The following IMPG1 variants were observed in gnomAD, a reference collection of about 807,000 sequenced individuals.
IMPG1 encodes interphotoreceptor matrix proteoglycan of 150 kDa.
In IMPG1, 85 loss-of-function variants were observed where a neutral mutation model predicts 92.0. That is an observed-to-expected ratio of 0.92 (90% CI 0.78 to 1.11). The LOEUF (loss-of-function observed/expected upper bound fraction) is 1.11. Among genes scored for constraint, IMPG1 ranks in the 50% least tolerant of loss-of-function variants. The pLI is 0.00. For missense variants in IMPG1, 1,022 were observed against 956.0 expected, an observed-to-expected ratio of 1.07 and a Z score of -0.91; for synonymous variants, 367 against 334.1, an observed-to-expected ratio of 1.10 and a Z score of -1.08.
intron 12 of IMPG1, among the ~76,000 whole-genome samples, chr6:75,982,031 T>G (rs1782635621): frequency 1.3e-5 from 2 of 152,224 alleles, no homozygotes; most frequent in Admixed American, 6.5e-5. Context: ...CTTCCACTTT[T>G]ATTTTACAGA....
At chr6:76,012,926 A>G (rs1335951350) in intron 7 of IMPG1, among the ~76,000 whole-genome samples, 1 of 152,006 alleles carries the variant, frequency 6.6e-6, no homozygotes, top group African/African-American at 2.4e-5. Flanking sequence ...CAGCATCCCT[A>G]GATACCTTCC....
chr6:75,957,857 C>A (rs989108966), intron 12 of IMPG1, among the ~76,000 whole-genome samples: 6 of 152,112 alleles, frequency 3.9e-5, no homozygotes, highest in Admixed American at 3.9e-4. Flanking sequence ...GAATCTTTAT[C>A]CAATTTGTCA....
intron 6 of IMPG1, among the ~76,000 whole-genome samples, chr6:76,021,176 A>G (rs1174826178): frequency 1.3e-5 from 2 of 152,200 alleles, no homozygotes; most frequent in Admixed American, 6.5e-5. Flanking sequence ...TTTCCTTTCT[A>G]TTGATCCCAG....
At chr6:75,973,702 T>C (rs1782458764) in intron 12 of IMPG1, among the ~76,000 whole-genome samples, 1 of 152,232 alleles carries the variant, frequency 6.6e-6, no homozygotes, top group African/African-American at 2.4e-5. Context: ...TTTACTTCAC[T>C]ACACTACTGA....
At chr6:76,038,532 C>T (rs1248885833) in intron 2 of IMPG1, among the ~76,000 whole-genome samples, 1 of 152,154 alleles carries the variant, frequency 6.6e-6, no homozygotes, top group Non-Finnish European at 1.5e-5. Context: ...AGTCCCCCAT[C>T]CTTACTGGGG....
intron 14 of IMPG1, among the ~76,000 whole-genome samples, chr6:75,938,430 T>C (rs1396733947): frequency 6.6e-6 from 1 of 152,234 alleles, no homozygotes; most frequent in African/African-American, 2.4e-5. Flanking sequence ...AAAGACTTAA[T>C]TGGAATTTGT....
At position 76,018,765 on chromosome 6, in the gene IMPG1, A is replaced by T; in HGVS notation, c.760T>A (p.Ser254Thr). The change falls in exon 7 of 17, where the codon TCC becomes ACC. Residue 254 changes from serine (S) to threonine (T), a missense_variant. By Grantham distance (58) the Ser-to-Thr change is moderately conservative (BLOSUM62 1). Around this residue, in one of 3 missense-constraint regions of IMPG1, gnomAD observed 681 missense variants for 583.6 expected, o/e 1.17. Transcript: ENST00000369950. ...AGCTCCTGGTAATATGGGGACTGGG[A>T]GTCAGCGAGCTCTGCCTTGAACTTC... ...NQKFKAELAD[S>T]QSPYYQELAG... The T allele has an allele frequency of 6.2e-7, 1 of 1,613,432 alleles. No homozygotes were observed. Among genetic ancestry groups the T allele is most frequent in the Non-Finnish European group, 8.5e-7 (1 of 1,179,738 alleles).
intron 9 of IMPG1, among the ~76,000 whole-genome samples, chr6:76,006,770 C>A (rs1050932024): frequency 6.6e-5 from 10 of 151,986 alleles, no homozygotes; most frequent in African/African-American, 2.4e-4. Context: ...TATTTATTAT[C>A]CTATTCATTA....
At chr6:76,035,360 G>T (rs189241580) in intron 2 of IMPG1, among the ~76,000 whole-genome samples, 1 of 152,038 alleles carries the variant, frequency 6.6e-6, no homozygotes, top group Non-Finnish European at 1.5e-5. Context: ...TTAGCTGGGC[G>T]TGTTGGTGCA....
intron 14 of IMPG1, among the ~76,000 whole-genome samples, chr6:75,944,834 G>C (rs1781898590): frequency 6.6e-6 from 1 of 152,180 alleles, no homozygotes; most frequent in East Asian, 1.9e-4. Flanking sequence ...ATTTGAGTTG[G>C]TGCAGGCTCA....
intron 12 of IMPG1, among the ~76,000 whole-genome samples, chr6:75,970,274 G>A (rs1018741399): frequency 3.3e-5 from 5 of 151,904 alleles, no homozygotes; most frequent in Middle Eastern, 3.2e-3. Flanking sequence ...GCAGCCCAAG[G>A]CTACAAAGAT....
intron 5 of IMPG1, chr6:76,024,836 T>C: frequency 2.8e-6 from 1 of 357,544 alleles, no homozygotes. Flanking sequence ...TAGTGAACTA[T>C]AAAATATCCT....
intron 8 of IMPG1, 77 bp downstream of exon 8, chr6:76,011,089 C>T (rs1292966541): frequency 1.2e-4 from 97 of 812,546 alleles, no homozygotes; most frequent in Non-Finnish European, 1.5e-5. Context: ...ACCTTATAAT[C>T]CTTATGGCAT....
Position 76,039,955 on chromosome 6 carries a change from T to G in IMPG1, c.301+1938A>C, listed in dbSNP as rs544204650. Among the ~76,000 whole-genome samples, 350 of 152,350 alleles carry G rather than the reference T, an allele frequency of 2.3e-3. 2 individuals are homozygous for G. Among genetic ancestry groups the G allele is most frequent in the African/African-American group, 8.1e-3 (335 of 41,586 alleles). On this transcript the variant is annotated intron_variant, in intron 2 of 16. Coordinates refer to ENST00000369950, the MANE Select transcript of IMPG1 (RefSeq NM_001563.4). ...GATTTGGGAATATGAGTGCTTTCTC[T>G]CCTAAGTTTGAAAGATGTCAATGGA...
Position 75,922,171 on chromosome 6 carries a change from AAG to A in IMPG1, c.2317-7_2317-6del. The stretch of plus-strand genomic sequence containing the variant: ...AGAATTTCTTTTACTGATTACCTGA[AAG>A]AGAAATAGTTTTAAGAACTTAAGAA... On this transcript the variant is annotated splice_polypyrimidine_tract_variant and splice_region_variant and intron_variant, in intron 16 of 16. Transcript: ENST00000369950. 8.1e-7 allele frequency: 1 copy of A among 1,233,790 alleles called. No homozygotes were observed. The highest frequency in any genetic ancestry group is 1.2e-6 in the Non-Finnish European group (1 of 850,528). 76.4% of individuals were successfully genotyped at this position (1,233,790 alleles called of 1,614,324 possible). A position where few individuals can be genotyped will look rare whatever the true frequency, so the allele number is the denominator to read the frequency against.
chr6:76,024,161 A>G (rs776281944), intron 5 of IMPG1, among the ~76,000 whole-genome samples: 1 of 152,186 alleles, frequency 6.6e-6, no homozygotes, highest in African/African-American at 2.4e-5. Flanking sequence ...ATGATAAATT[A>G]GCTGAACTTA....
chr6:76,072,594 G>A lies in IMPG1; in HGVS notation c.-106C>T. 1.5e-6 allele frequency: 1 copy of A among 647,924 alleles called. No individual in the cohort carries two copies. Among genetic ancestry groups the A allele is most frequent in the Non-Finnish European group, 2.6e-6 (1 of 379,196 alleles). The allele number at this position is 647,924 out of a possible 1,614,324, so 40.1% of individuals were successfully genotyped here. A position where few individuals can be genotyped will look rare whatever the true frequency, so the allele number is the denominator to read the frequency against. ...AAATAATTATATATTGATACCAGATGATTGAGGATAACCTTCTTGGTTTAC... is the reference window on the plus strand; with the variant it reads ...AAATAATTATATATTGATACCAGATAATTGAGGATAACCTTCTTGGTTTAC... On this transcript the variant is annotated 5_prime_UTR_variant, in exon 1 of 17. Coordinates refer to ENST00000369950, the MANE Select transcript of IMPG1 (RefSeq NM_001563.4).
intron 12 of IMPG1, among the ~76,000 whole-genome samples, chr6:75,960,396 GTTAATTCA>G (rs1393768956): frequency 1.3e-5 from 2 of 152,138 alleles, no homozygotes; most frequent in Admixed American, 6.5e-5. Context: ...ACCTAACCAA[GTTAATTCA>G]TTAAAGGAAC....
intron 12 of IMPG1, among the ~76,000 whole-genome samples, chr6:76,002,689 G>A (rs1472391497): frequency 4.6e-5 from 7 of 152,168 alleles, no homozygotes; most frequent in Admixed American, 3.9e-4. Context: ...AAGGGCTGCC[G>A]GTGCTGGCTG....
Sources: allele counts gnomAD v4.1 joint callset (sites outside exome capture counted in the v4.1 genomes callset), GRCh38; gene constraint gnomAD v4.1.1; regional missense constraint gnomAD v4.1.1; transcripts MANE v1.5; gene names NCBI Gene and HGNC (gene_info 2026-07-23, HGNC 2026-07-21).